Variants in ARRDC5 observed in about 807,000 individuals in gnomAD.
ARRDC5 encodes the protein arrestin domain-containing protein 5.
Under a neutral mutation model 13.3 loss-of-function variants are expected in ARRDC5, and 12 were observed. That is an observed-to-expected ratio of 0.90 (90% CI 0.58 to 1.46). ARRDC5 has a LOEUF of 1.46. ARRDC5 is among the 40% of genes most tolerant of loss of function. ARRDC5 has a pLI of 0.00. For synonymous variants in ARRDC5, 181 were observed against 173.4 expected, an observed-to-expected ratio of 1.04 and a Z score of -0.34; for missense variants, 406 against 418.7, an observed-to-expected ratio of 0.97 and a Z score of 0.26.
chr19:4,895,422 C>CAAAAAAAA (rs1039157516), intron 2 of ARRDC5, among the ~76,000 whole-genome samples: 37 of 70,568 alleles, frequency 5.2e-4, no homozygotes, highest in Non-Finnish European at 7.9e-4. Flanking sequence ...GACTCCGTCT[C>CAAAAAAAA]AAAAAAAAAA....
At chr19:4,892,491 A>C (rs914113094) in intron 2 of ARRDC5, among the ~76,000 whole-genome samples, 2 of 149,450 alleles carry the variant, frequency 1.3e-5, no homozygotes, top group African/African-American at 4.9e-5. Context: ...CAGCCTCCCA[A>C]GTAGCAGGGA....
In ARRDC5 at chr19:4,890,727, A is replaced by G; in HGVS notation, c.*319T>C. The G allele has an allele frequency of 3.2e-6, 1 of 314,238 alleles. No homozygotes were observed. The highest frequency in any genetic ancestry group is 6.0e-6 in the Non-Finnish European group (1 of 167,502). 19.5% of individuals were successfully genotyped at this position (314,238 alleles called of 1,614,324 possible). A position where few individuals can be genotyped will look rare whatever the true frequency, so the allele number is the denominator to read the frequency against. ...AGCCAATACAACCAGACATTAGCAG[A>G]GGGGAGAATTCTCCCCAAGTAGGAC... is the stretch of plus-strand genomic sequence containing the variant. On this transcript the variant is annotated 3_prime_UTR_variant, in exon 3 of 3. Transcript: ENST00000650722.
intron 2 of ARRDC5, among the ~76,000 whole-genome samples, chr19:4,893,749 A>C (rs1397219806): frequency 5.1e-5 from 7 of 136,266 alleles, no homozygotes; most frequent in South Asian, 2.3e-4. Flanking sequence ...AAAAAAAAAA[A>C]CCAAAAAGGA....
At chr19:4,910,927 C>A in the ARRDC5 span, 1 of 1,613,520 alleles carries the variant, frequency 6.2e-7, no homozygotes, top group Non-Finnish European at 8.5e-7. Context: ...GGCAGACCCA[C>A]ACGGTGGACT....
At chr19:4,901,564 A>C (rs2031915301) in intron 1 of ARRDC5, among the ~76,000 whole-genome samples, 1 of 152,154 alleles carries the variant, frequency 6.6e-6, no homozygotes, top group African/African-American at 2.4e-5. Context: ...CAGCGAGCCG[A>C]GATGGTGCCA....
At chr19:4,895,425 A>C in intron 2 of ARRDC5, among the ~76,000 whole-genome samples, 1 of 113,786 alleles carries the variant, frequency 8.8e-6, no homozygotes, top group African/African-American at 3.6e-5. Context: ...TCCGTCTCAA[A>C]AAAAAAAAAA....
upstream of ARRDC5, among the ~76,000 whole-genome samples, chr19:4,904,017 C>T (rs1049243626): frequency 4.7e-5 from 7 of 150,084 alleles, no homozygotes; most frequent in African/African-American, 1.7e-4. Flanking sequence ...CACTCTGTTG[C>T]CCAGGCTGGA....
At position 4,896,827 on chromosome 19, in the gene ARRDC5, T is replaced by A; in HGVS notation, c.303A>T (p.Leu101Phe). 6.2e-7 allele frequency: 1 copy of A among 1,613,626 alleles called. No homozygotes were observed. ...GSHTFDFHFN[L>F]PPRLPSTFTS... ...TGAAGGTAGAAGGAAGCCTGGGAGGTAAGTTGAAATGGAAGTCAAAGGTGT... is the reference window on the plus strand; with the variant it reads ...TGAAGGTAGAAGGAAGCCTGGGAGGAAAGTTGAAATGGAAGTCAAAGGTGT... Residue 101 changes from leucine (L) to phenylalanine (F), a missense_variant, in exon 2 of 3, where the codon TTA becomes TTT. By Grantham distance (22) the Leu-to-Phe change is conservative. Transcript: ENST00000650722.
chr19:4,896,323 AAAAAAAAT>A (rs1337053088), intron 2 of ARRDC5, among the ~76,000 whole-genome samples: 16 of 72,080 alleles, frequency 2.2e-4, no homozygotes, highest in African/African-American at 5.0e-4. Context: ...CAAAAAAAAA[AAAAAAAAT>A]ATATATATAT....
At chr19:4,910,004 C>G in the ARRDC5 span, 3 of 186,514 alleles carry the variant, frequency 1.6e-5, no homozygotes, top group Admixed American at 6.2e-5. Flanking sequence ...CCTGAGTTCC[C>G]CGGGAGCATC....
chr19:4,912,886 A>G, the ARRDC5 span, among the ~76,000 whole-genome samples: 2 of 151,988 alleles, frequency 1.3e-5, no homozygotes, highest in African/African-American at 2.4e-5. Flanking sequence ...CAGCCTCCCA[A>G]GTAGCTAGGA....
the ARRDC5 span, among the ~76,000 whole-genome samples, chr19:4,908,681 C>T: frequency 6.1e-4 from 93 of 152,344 alleles, no homozygotes; most frequent in Admixed American, 2.6e-4. Flanking sequence ...CCTCCCACCA[C>T]ATGGCTGCTG....
At chr19:4,896,052 C>A (rs907861046) in intron 2 of ARRDC5, among the ~76,000 whole-genome samples, 1 of 152,156 alleles carries the variant, frequency 6.6e-6, no homozygotes, top group Non-Finnish European at 1.5e-5. Flanking sequence ...TGGTGGCTCA[C>A]GCCTGTAATC....
chr19:4,902,391 G>T (rs2031951870), intron 1 of ARRDC5, among the ~76,000 whole-genome samples, 182 bp downstream of exon 1: 1 of 152,178 alleles, frequency 6.6e-6, no homozygotes, highest in Non-Finnish European at 1.5e-5. Context: ...CTTATGTCTT[G>T]TTATTTTTGC....
At position 4,891,010 on chromosome 19, in the gene ARRDC5, A is replaced by G; in HGVS notation, c.*36T>C. ...GAGAGAGGGCTTCCTCCTGGTAGAG[A>G]CTAATAAAGCTTTTAATATTTAAAA... On this transcript the variant is annotated 3_prime_UTR_variant, in exon 3 of 3. Coordinates refer to ENST00000650722, the MANE Select transcript of ARRDC5 (RefSeq NM_001080523.3). 3 of 1,558,374 alleles carry G rather than the reference A, an allele frequency of 1.9e-6. No individual in the cohort carries two copies. The highest frequency in any genetic ancestry group is 2.6e-6 in the Non-Finnish European group (3 of 1,149,222).
chr19:4,910,626 T>A, the ARRDC5 span: 1 of 386,698 alleles, frequency 2.6e-6, no homozygotes, highest in Admixed American at 4.5e-5. Context: ...TCTGCTTTTC[T>A]TTCAATTCCC....
At chr19:4,891,667 G>T in intron 2 of ARRDC5, 94 bp from the exon 3 acceptor site, 1 of 1,214,252 alleles carries the variant, frequency 8.2e-7, no homozygotes, top group Non-Finnish European at 1.1e-6. Flanking sequence ...CTCAAAGTCT[G>T]TGGGGCTGGC....
chr19:4,909,616 A>G, the ARRDC5 span: 1 of 626,090 alleles, frequency 1.6e-6, no homozygotes, highest in South Asian at 1.7e-5. Flanking sequence ...CAGCCGGGCC[A>G]CGCGCGCAGG....
intron 1 of ARRDC5, among the ~76,000 whole-genome samples, chr19:4,898,553 G>C (rs536890318): frequency 6.6e-6 from 1 of 152,104 alleles, no homozygotes; most frequent in African/African-American, 2.4e-5. Flanking sequence ...GTAGAGATGG[G>C]GTTTCACCAT....
Sources: gnomAD v4.1 joint callset for allele counts (sites outside exome capture counted in the v4.1 genomes callset) on GRCh38, gnomAD v4.1.1 for gene constraint, MANE v1.5 for transcripts, NCBI Gene and HGNC (gene_info 2026-07-23, HGNC 2026-07-21) for gene names.